Variants in ABCC9 observed in about 807,000 individuals in gnomAD.
ABCC9 encodes the protein ATP-binding cassette sub-family C member 9.
ABCC9 carries 95 observed loss-of-function variants against 188.3 expected under a neutral mutation model. The ratio of observed to expected loss-of-function variants is 0.50; its 90% CI spans 0.43 to 0.60. The LOEUF (loss-of-function observed/expected upper bound fraction) is 0.60. Ranked by LOEUF, ABCC9 falls within the 20% of genes least tolerant of loss-of-function variation. ABCC9 has a pLI of 0.00. For missense variants in ABCC9, 1,102 were observed against 1,876.3 expected (o/e 0.59, Z 7.62); for synonymous variants, 659 against 652.7 (o/e 1.01, Z -0.15).
At chr12:21,931,456 A>G (rs1036167148) in intron 4 of ABCC9, among the ~76,000 whole-genome samples, 2 of 152,118 alleles carry the variant, frequency 1.3e-5, no homozygotes, top group African/African-American at 4.8e-5. Flanking sequence ...TAAAAAGGGT[A>G]AGGAGAAGTC....
chr12:21,878,742 A>G (rs1946487662), intron 16 of ABCC9, among the ~76,000 whole-genome samples: 1 of 148,298 alleles, frequency 6.7e-6, no homozygotes, highest in African/African-American at 2.4e-5. Flanking sequence ...AACTAAAAGA[A>G]TGCAATGTCA....
In ABCC9 at chr12:21,860,226, A is replaced by G. The variant is rs537989807; in HGVS notation, c.2425-560T>C. Among the ~76,000 whole-genome samples the G allele has an allele frequency of 2.7e-4, 41 of 152,318 alleles. 1 individual carries two copies. The South Asian group carries it at 7.0e-3, about 26-fold the overall frequency. ...TTGTTTTAATTTTACACATGTGGAA[A>G]CTGAGGCTCACAGAACTTAAGTCCA... On this transcript the variant is annotated intron_variant, in intron 21 of 39. Transcript: ENST00000261200.
intron 24 of ABCC9, among the ~76,000 whole-genome samples, chr12:21,849,664 C>T (rs1175218199): frequency 1.3e-5 from 2 of 152,020 alleles, no homozygotes; most frequent in Admixed American, 1.3e-4. Flanking sequence ...AGAGTAAATG[C>T]TCATATTAAG....
chr12:21,806,101 T>A (rs773540402), intron 38 of ABCC9, 41 bp from the exon 39 acceptor site: 5 of 1,565,956 alleles, frequency 3.2e-6, no homozygotes, highest in Admixed American at 3.4e-5. Context: ...GGGATTACTT[T>A]GTCATCATAA....
At chr12:21,884,094 C>G (rs1402069321) in intron 15 of ABCC9, among the ~76,000 whole-genome samples, 1 of 147,874 alleles carries the variant, frequency 6.8e-6, no homozygotes. Flanking sequence ...TTTTTTGAAA[C>G]AGAGTCTCAC....
intron 36 of ABCC9, among the ~76,000 whole-genome samples, chr12:21,810,736 A>C (rs1359252964): frequency 1.3e-5 from 2 of 152,192 alleles, no homozygotes; most frequent in Non-Finnish European, 2.9e-5. Flanking sequence ...ACATAGCCAA[A>C]CCATATCAAG....
chr12:21,887,392 A>G (rs571059151), intron 15 of ABCC9, among the ~76,000 whole-genome samples: 1 of 152,302 alleles, frequency 6.6e-6, no homozygotes, highest in South Asian at 2.1e-4. Context: ...GAGACAATGT[A>G]ATGTAATTCA....
intron 36 of ABCC9, among the ~76,000 whole-genome samples, chr12:21,810,804 C>T (rs1361092747): frequency 6.6e-6 from 1 of 152,152 alleles, no homozygotes; most frequent in Non-Finnish European, 1.5e-5. Flanking sequence ...TGCTAAATTA[C>T]TTGACACATC....
At position 21,912,988 on chromosome 12, in the gene ABCC9, G is replaced by A. The variant is rs2137891599; in HGVS notation, c.895C>T (p.Leu299Phe). ...MYRAFGRPIL[L>F]SSTFRYLADL... ...GCCAGATAGCGGAATGTGCTACTAAGTAGAATTGGTCGCCCAAAAGCTCTG... is the reference window on the plus strand; with the variant it reads ...GCCAGATAGCGGAATGTGCTACTAAATAGAATTGGTCGCCCAAAAGCTCTG... Residue 299 changes from leucine to phenylalanine, a missense_variant, in exon 8 of 40, where the codon CTT (leucine) becomes TTT (phenylalanine). Physicochemically the swap from Leu to Phe is conservative, Grantham distance 22 (BLOSUM62 0). Around this residue, in one of 12 missense-constraint regions of ABCC9, gnomAD observed 305 missense variants for 573.0 expected, o/e 0.53. Transcript: ENST00000261200. 2 of 1,613,022 alleles carry A rather than the reference G, an allele frequency of 1.2e-6. No individual in the cohort carries two copies. The highest frequency in any genetic ancestry group is 8.5e-7 in the Non-Finnish European group (1 of 1,179,588).
chr12:21,872,299 A>G (rs1946122012), intron 18 of ABCC9, among the ~76,000 whole-genome samples: 1 of 152,186 alleles, frequency 6.6e-6, no homozygotes, highest in Admixed American at 6.5e-5. Flanking sequence ...CATTTTCCAT[A>G]ACTTATTTTG....
At chr12:21,844,447 C>T in intron 28 of ABCC9, 36 bp downstream of exon 28, 1 of 1,540,304 alleles carries the variant, frequency 6.5e-7, no homozygotes, top group Non-Finnish European at 9.0e-7. Flanking sequence ...CATTGTGAAA[C>T]TAATTTTTGA....
chr12:21,833,640 G>A (rs1447146731), intron 30 of ABCC9, among the ~76,000 whole-genome samples: 2 of 152,052 alleles, frequency 1.3e-5, no homozygotes, highest in Admixed American at 1.3e-4. Context: ...GTCCTTCAAG[G>A]AGAAAACAGA....
At chr12:21,896,276 T>C (rs929749882) in intron 12 of ABCC9, among the ~76,000 whole-genome samples, 3 of 152,060 alleles carry the variant, frequency 2.0e-5, no homozygotes, top group Non-Finnish European at 2.9e-5. Context: ...CCACCGTACA[T>C]AGAACAGAAT....
chr12:21,832,543 C>T lies in ABCC9; in HGVS notation c.3567-3483G>A, dbSNP rs192447012. Among the ~76,000 whole-genome samples, 427 of 152,044 alleles carry T rather than the reference C, an allele frequency of 2.8e-3. 3 individuals carry two copies. The highest frequency in any genetic ancestry group is 4.4e-3 in the Non-Finnish European group (299 of 67,984). ...AATAAAAATGCTTTACGTCCCTAAT[C>T]ATCAGAGAAATGCAAAGTAAAACCA... On this transcript the variant is annotated intron_variant, in intron 30 of 39. Coordinates refer to ENST00000261200, the MANE Select transcript of ABCC9 (RefSeq NM_020297.4).
chr12:21,817,065 A>G (rs1942695322), intron 33 of ABCC9, 122 bp downstream of exon 33: 2 of 1,101,538 alleles, frequency 1.8e-6, no homozygotes, highest in South Asian at 1.3e-5. Flanking sequence ...AAGCCAAGAT[A>G]TGAGAGAGTT....
intron 18 of ABCC9, among the ~76,000 whole-genome samples, chr12:21,866,978 G>T (rs1187278725): frequency 1.3e-5 from 2 of 152,070 alleles, no homozygotes; most frequent in African/African-American, 2.4e-5. Context: ...TAAGAGAAAA[G>T]GGTTAATTAA....
rs1258736993 is a variant in ABCC9, at chr12:21,875,664, T to A, written c.2082A>T (p.Arg694=). The A allele has an allele frequency of 6.2e-7, 1 of 1,610,616 alleles. No homozygotes were observed. ...ACAGATAACTCTTACCTGTTGGAAT[T>A]CGAATATCTATATTGGATAATGTAG... ...GLATLSNIDI[R]IPTGQLTMIV... is the part of the protein sequence containing the mutation. Residue 694 remains arginine (R), a synonymous_variant, in exon 17 of 40, where the codon CGA becomes CGT. Coordinates refer to ENST00000261200, the MANE Select transcript of ABCC9 (RefSeq NM_020297.4).
chr12:21,914,660 TGGATTA>T (rs1218276680), intron 7 of ABCC9, among the ~76,000 whole-genome samples: 1 of 152,172 alleles, frequency 6.6e-6, no homozygotes, highest in African/African-American at 2.4e-5. Flanking sequence ...TACGTGGTAA[TGGATTA>T]GTTATACATG....
chr12:21,814,291 T>G (rs1048519029), intron 35 of ABCC9, among the ~76,000 whole-genome samples: 1 of 152,200 alleles, frequency 6.6e-6, no homozygotes, highest in East Asian at 1.9e-4. Flanking sequence ...GAAAGAGACA[T>G]ACATTTAGTC....
Sources: allele counts gnomAD v4.1 joint callset (sites outside exome capture counted in the v4.1 genomes callset), GRCh38; gene constraint gnomAD v4.1.1; regional missense constraint gnomAD v4.1.1; transcripts MANE v1.5; gene names NCBI Gene and HGNC (gene_info 2026-07-23, HGNC 2026-07-21).